Variants in PDXDC1 observed in about 807,000 individuals in gnomAD.
The protein encoded by PDXDC1 is pyridoxal dependent decarboxylase domain containing 1.
Under a neutral mutation model 100.1 loss-of-function variants are expected in PDXDC1, and 42 were observed. The ratio of observed to expected loss-of-function variants is 0.42; its 90% CI spans 0.33 to 0.54. PDXDC1 has a LOEUF of 0.54. Ranked by LOEUF, PDXDC1 falls within the 20% of genes least tolerant of loss-of-function variation. The probability of loss-of-function intolerance (pLI) is 0.10; values close to 1 mark genes in which losing one functional copy is unlikely to be tolerated. For missense variants in PDXDC1, 636 were observed against 979.2 expected (o/e 0.65, Z 4.68); for synonymous variants, 260 against 371.7 (o/e 0.70, Z 3.46).
chr16:15,014,468 C>T (rs2041629718), intron 8 of PDXDC1, among the ~76,000 whole-genome samples: 1 of 152,290 alleles, frequency 6.6e-6, no homozygotes, highest in Non-Finnish European at 1.5e-5. Context: ...GCATGCGATC[C>T]AGGCACTAAC....
chr16:15,058,505 T>C (rs942259458), intron 16 of PDXDC1, among the ~76,000 whole-genome samples: 8 of 152,060 alleles, frequency 5.3e-5, no homozygotes, highest in Non-Finnish European at 1.2e-4. Flanking sequence ...GGCGGACAGA[T>C]TGCTTGAGGT....
At chr16:15,091,575 G>T (rs925484909) in intron 16 of PDXDC1, among the ~76,000 whole-genome samples, 2 of 151,460 alleles carry the variant, frequency 1.3e-5, no homozygotes, top group African/African-American at 4.9e-5. Flanking sequence ...AAAGGAAAAT[G>T]ATAAACTACA....
intron 16 of PDXDC1, chr16:15,131,643 C>T: frequency 6.3e-7 from 1 of 1,591,154 alleles, no homozygotes; most frequent in Non-Finnish European, 8.6e-7. Flanking sequence ...GCGATGGTGA[C>T]TCGGCTCCCA....
chr16:15,005,016 CAG>C (rs1435436009), intron 5 of PDXDC1, among the ~76,000 whole-genome samples: 1 of 152,270 alleles, frequency 6.6e-6, no homozygotes, highest in Non-Finnish European at 1.5e-5. Flanking sequence ...CCCATAGGTT[CAG>C]AGGGCCAGCT....
intron 1 of PDXDC1, chr16:14,989,107 C>T (rs1297214038): frequency 3.2e-5 from 51 of 1,614,150 alleles, no homozygotes; most frequent in Non-Finnish European, 4.0e-5. Context: ...CTGTGGGTGT[C>T]AGTGATCTTC....
chr16:15,071,038 G>A, intron 16 of PDXDC1: 1 of 1,203,394 alleles, frequency 8.3e-7, no homozygotes, highest in East Asian at 2.4e-5. Context: ...CAAAAAAAAT[G>A]GGAGATATTT....
intron 16 of PDXDC1, chr16:15,123,391 A>G (rs1227412498): frequency 8.2e-6 from 9 of 1,103,698 alleles, no homozygotes; most frequent in Non-Finnish European, 1.1e-5. Context: ...TGGTGACAAA[A>G]CATAAAAAAC....
rs111785782 is a variant in PDXDC1, at chr16:15,074,816, G to A, written c.1399+44760G>A. 437 of 1,613,854 alleles carry A rather than the reference G, an allele frequency of 2.7e-4. 2 individuals carry two copies. The African/African-American group carries it at 3.5e-3, about 13-fold the overall frequency. ...ACAGGATGCACCATCTGGTCGAGCC[G>A]TTCAGGACCAGCCTTTGTTTCATGT... On this transcript the variant is annotated intron_variant, in intron 16 of 16. Transcript: ENST00000535621.
chr16:15,128,206 C>A (rs1164781749), intron 16 of PDXDC1: 4 of 1,610,892 alleles, frequency 2.5e-6, no homozygotes, highest in Non-Finnish European at 3.4e-6. Context: ...CAGAGCTTGG[C>A]AGGGTCCGCA....
chr16:15,100,311 ACATT>A (rs2046495022), intron 16 of PDXDC1, among the ~76,000 whole-genome samples: 2 of 152,328 alleles, frequency 1.3e-5, no homozygotes, highest in Admixed American at 6.5e-5. Flanking sequence ...TATAAAAACT[ACATT>A]CATTAACACA....
At chr16:15,048,258 A>T (rs2044156050) in intron 16 of PDXDC1, among the ~76,000 whole-genome samples, 1 of 152,258 alleles carries the variant, frequency 6.6e-6, no homozygotes, top group Non-Finnish European at 1.5e-5. Flanking sequence ...GGCAGCAGCC[A>T]CGGTCATTCA....
Position 15,036,640 on chromosome 16 carries a change from TC to T in PDXDC1, c.*366del, listed in dbSNP as rs2043471033. On this transcript the variant is annotated 3_prime_UTR_variant, in exon 23 of 23. Coordinates refer to ENST00000396410, the MANE Select transcript of PDXDC1 (RefSeq NM_015027.4). ...GGCAACTTTTTGGTAAAACAGCTTT[TC>T]ATTAGCACTCTCCAGGTTCTCTGCA... The T allele has an allele frequency of 7.6e-6, 2 of 263,688 alleles. No homozygotes were observed. The highest frequency in any genetic ancestry group is 4.4e-5 in the African/African-American group (2 of 45,524). The allele number at this position is 263,688 out of a possible 1,614,324, so 16.3% of individuals were successfully genotyped here. A position where few individuals can be genotyped will look rare whatever the true frequency, so the allele number is the denominator to read the frequency against.
rs542411695 is a variant in PDXDC1 at position 15,076,428 on chromosome 16, G to C, written c.1399+46372G>C. 7 of 717,064 alleles carry C rather than the reference G, an allele frequency of 9.8e-6. No individual in the cohort carries two copies. The East Asian group carries it at 1.9e-4, about 19-fold the overall frequency. 44.4% of individuals were successfully genotyped at this position (717,064 alleles called of 1,614,324 possible). A position where few individuals can be genotyped will look rare whatever the true frequency, so the allele number is the denominator to read the frequency against. On this transcript the variant is annotated intron_variant, in intron 16 of 16. Transcript: ENST00000535621. ...ACATGGCAGCAAATTACTCATATAA[G>C]GAATCGTTTTCAAGTTTGCTGAACT...
chr16:15,017,754 T>G (rs1404393413), intron 11 of PDXDC1, among the ~76,000 whole-genome samples: 1 of 152,270 alleles, frequency 6.6e-6, no homozygotes, highest in Non-Finnish European at 1.5e-5. Flanking sequence ...GTGGGGGAGT[T>G]TTAAGCCTCC....
chr16:15,101,867 G>A (rs928247198), intron 16 of PDXDC1, among the ~76,000 whole-genome samples: 4 of 151,602 alleles, frequency 2.6e-5, no homozygotes, highest in African/African-American at 4.9e-5. Flanking sequence ...TTATTGTCTC[G>A]AGACAGAGTC....
chr16:15,014,125 T>C (rs1369470511), intron 8 of PDXDC1, among the ~76,000 whole-genome samples: 2 of 151,814 alleles, frequency 1.3e-5, no homozygotes, highest in Admixed American at 1.3e-4. Flanking sequence ...GAGAATAGCT[T>C]GAACCCAGGA....
downstream of PDXDC1, among the ~76,000 whole-genome samples, chr16:15,139,736 G>C (rs1341233040): frequency 6.6e-6 from 1 of 152,136 alleles, no homozygotes; most frequent in Non-Finnish European, 1.5e-5. Context: ...AGCTATGACT[G>C]TGCCACTGCA....
chr16:15,054,674 G>C (rs2044430220), intron 16 of PDXDC1, among the ~76,000 whole-genome samples: 1 of 152,126 alleles, frequency 6.6e-6, no homozygotes, highest in South Asian at 2.1e-4. Context: ...TCACCCTTCA[G>C]AACACGTTCA....
downstream of PDXDC1, among the ~76,000 whole-genome samples, chr16:15,142,613 A>T (rs961784567): frequency 6.6e-6 from 1 of 152,076 alleles, no homozygotes; most frequent in African/African-American, 2.4e-5. Context: ...AGGGACAGGG[A>T]CCAGTACAGG....
Sources: gnomAD v4.1 joint callset for allele counts (sites outside exome capture counted in the v4.1 genomes callset) on GRCh38, gnomAD v4.1.1 for gene constraint, MANE v1.5 for transcripts, NCBI Gene and HGNC (gene_info 2026-07-23, HGNC 2026-07-21) for gene names.